UGT2A1: variants seen among roughly 807,000 people sequenced by gnomAD.
UGT2A1 encodes the protein UDP glucuronosyltransferase family 2 member A1 complex locus.
A neutral mutation model predicts 45.4 loss-of-function variants in UGT2A1; 61 were observed. The ratio of observed to expected loss-of-function variants is 1.34; its 90% confidence interval spans 1.09 to 1.66. The LOEUF (loss-of-function observed/expected upper bound fraction) is 1.66, where lower values mean the gene tolerates loss of function less well. Among genes scored for constraint, UGT2A1 ranks in the 40% most tolerant of loss-of-function variants. UGT2A1 has a pLI of 0.00. For missense variants in UGT2A1, 649 were observed against 574.3 expected (o/e 1.13, Z -1.33); for synonymous variants, 229 against 196.2 (o/e 1.17, Z -1.40).
intron 1 of UGT2A1, among the ~76,000 whole-genome samples, chr4:69,650,351 AATAC>A (rs1722466221): frequency 6.6e-6 from 1 of 152,138 alleles, no homozygotes; most frequent in Non-Finnish European, 1.5e-5. Flanking sequence ...AGATAAGAAA[AATAC>A]ATACATATCT....
chr4:69,590,179 G>A (rs910847934), intron 6 of UGT2A1, among the ~76,000 whole-genome samples: 4 of 152,178 alleles, frequency 2.6e-5, no homozygotes, highest in African/African-American at 9.7e-5. Flanking sequence ...AAAGGACAGT[G>A]TCTGTATCTG....
At chr4:69,633,035 G>C (rs1577993949) in intron 3 of UGT2A1, among the ~76,000 whole-genome samples, 1 of 152,214 alleles carries the variant, frequency 6.6e-6, no homozygotes, top group Middle Eastern at 3.4e-3. Context: ...AGAGGATGTA[G>C]TAAAAAGTCC....
rs757489284 is a variant in UGT2A1, at chr4:69,589,549, T to C, written c.1407A>G (p.Lys469=). ...CTGCAACCCGAAGGTGCTTGGCTCC[T>C]TTGTGGCGCATGACAAACTCGATCC... ...VFWIEFVMRH[K]GAKHLRVAAH... Residue 469 remains lysine (K), a synonymous_variant, in exon 7 of 7, where the codon AAA becomes AAG. Transcript: ENST00000286604. 6.2e-7 allele frequency: 1 copy of C among 1,614,104 alleles called. No homozygotes were observed. Among genetic ancestry groups the C allele is most frequent in the Admixed American group, 1.7e-5 (1 of 60,020 alleles).
intron 3 of UGT2A1, among the ~76,000 whole-genome samples, chr4:69,629,642 C>T (rs1487603533): frequency 1.3e-5 from 2 of 152,122 alleles, no homozygotes; most frequent in African/African-American, 2.4e-5. Flanking sequence ...AACTGCATCC[C>T]GTCACCACAT....
intron 2 of UGT2A1, 64 bp downstream of exon 2, chr4:69,646,866 G>T: frequency 1.7e-6 from 2 of 1,150,580 alleles, no homozygotes; most frequent in South Asian, 1.6e-5. Flanking sequence ...GGGAAATAAA[G>T]AAGAGGCTCT....
chr4:69,627,084 T>C (rs1297915006), intron 3 of UGT2A1, among the ~76,000 whole-genome samples: 2 of 151,946 alleles, frequency 1.3e-5, no homozygotes, highest in Non-Finnish European at 1.5e-5. Context: ...TGGAGTTTCA[T>C]GTGTTTTCAA....
intron 3 of UGT2A1, among the ~76,000 whole-genome samples, chr4:69,621,330 C>T (rs775857626): frequency 2.0e-5 from 3 of 151,784 alleles, no homozygotes; most frequent in Non-Finnish European, 2.9e-5. Context: ...AAAAAGTGGG[C>T]AAAGGACATT....
At chr4:69,630,161 A>C (rs1226007027) in intron 3 of UGT2A1, among the ~76,000 whole-genome samples, 1 of 152,066 alleles carries the variant, frequency 6.6e-6, no homozygotes, top group Non-Finnish European at 1.5e-5. Context: ...CTAAGTTTCC[A>C]TTCTTGTAGA....
At chr4:69,631,451 T>C (rs1486304351) in intron 3 of UGT2A1, among the ~76,000 whole-genome samples, 3 of 152,124 alleles carry the variant, frequency 2.0e-5, no homozygotes, top group Non-Finnish European at 4.4e-5. Flanking sequence ...AAAACTAAAC[T>C]GAAGATTATA....
chr4:69,644,029 T>C (rs1483807875), intron 2 of UGT2A1, among the ~76,000 whole-genome samples: 1 of 151,610 alleles, frequency 6.6e-6, no homozygotes, highest in Non-Finnish European at 1.5e-5. Flanking sequence ...AGTAAGAATA[T>C]TGTGTTTTAA....
chr4:69,624,332 C>A (rs1012593939), intron 3 of UGT2A1, among the ~76,000 whole-genome samples: 1 of 151,296 alleles, frequency 6.6e-6, no homozygotes, highest in African/African-American at 2.4e-5. Flanking sequence ...GGTATATTCT[C>A]ATTTTATTTT....
chr4:69,641,565 A>C (rs575985713), intron 2 of UGT2A1, among the ~76,000 whole-genome samples: 45 of 151,958 alleles, frequency 3.0e-4, no homozygotes, highest in Middle Eastern at 3.4e-3. Context: ...TGAGTGATTC[A>C]GTTTTATTTG....
chr4:69,631,735 C>A (rs1479535463), intron 3 of UGT2A1, among the ~76,000 whole-genome samples: 1 of 152,130 alleles, frequency 6.6e-6, no homozygotes, highest in Non-Finnish European at 1.5e-5. Context: ...GTAGCCACTA[C>A]ATCAGGGTAT....
At chr4:69,612,919 A>AC (rs1430657015) in intron 3 of UGT2A1, among the ~76,000 whole-genome samples, 1 of 151,374 alleles carries the variant, frequency 6.6e-6, no homozygotes, top group African/African-American at 2.4e-5. Flanking sequence ...AAAAAAAAAA[A>AC]ACTATCCAGA....
intron 3 of UGT2A1, among the ~76,000 whole-genome samples, chr4:69,626,093 T>A (rs971393262): frequency 6.6e-6 from 1 of 151,590 alleles, no homozygotes; most frequent in Non-Finnish European, 1.5e-5. Context: ...CATATATTTA[T>A]GCTTTGTTAA....
At chr4:69,649,831 G>T (rs1722440729) in intron 1 of UGT2A1, among the ~76,000 whole-genome samples, 1 of 152,038 alleles carries the variant, frequency 6.6e-6, no homozygotes, top group Non-Finnish European at 1.5e-5. Flanking sequence ...CACAGAACCA[G>T]ACATGTCTGT....
At chr4:69,596,767 C>T (rs1718957957) in intron 4 of UGT2A1, among the ~76,000 whole-genome samples, 1 of 152,212 alleles carries the variant, frequency 6.6e-6, no homozygotes, top group Non-Finnish European at 1.5e-5. Context: ...AGTGATCCAC[C>T]TGCCTTGGTC....
intron 1 of UGT2A1, among the ~76,000 whole-genome samples, chr4:69,652,201 A>G (rs1318251119): frequency 2.0e-5 from 3 of 152,116 alleles, no homozygotes; most frequent in Non-Finnish European, 2.9e-5. Context: ...ACTGCATACA[A>G]AAGGAGTTAG....
intron 3 of UGT2A1, among the ~76,000 whole-genome samples, chr4:69,624,592 T>C (rs1234777519): frequency 6.6e-6 from 1 of 151,374 alleles, no homozygotes; most frequent in Non-Finnish European, 1.5e-5. Context: ...TGATCCTAGT[T>C]GATTTTTTTT....
Sources: gnomAD v4.1 joint callset for allele counts (sites outside exome capture counted in the v4.1 genomes callset) on GRCh38, gnomAD v4.1.1 for gene constraint, MANE v1.5 for transcripts, NCBI Gene and HGNC (gene_info 2026-07-23, HGNC 2026-07-21) for gene names.